Variants in GRB10 observed in about 807,000 individuals in gnomAD.
The protein encoded by GRB10 is growth factor receptor bound protein 10.
A neutral mutation model predicts 80.9 loss-of-function variants in GRB10; 20 were observed. The ratio of observed to expected loss-of-function variants is 0.25; its 90% CI spans 0.17 to 0.36. The LOEUF (loss-of-function observed/expected upper bound fraction) is 0.36. Among genes scored for constraint, GRB10 ranks in the 10% least tolerant of loss-of-function variants. The pLI, the probability that GRB10 is intolerant of heterozygous loss-of-function variation, is 1.00. For missense variants in GRB10, 548 were observed against 747.7 expected, an observed-to-expected ratio of 0.73 and a Z score of 3.12; for synonymous variants, 291 against 291.5, an observed-to-expected ratio of 1.00 and a Z score of 0.02.
intron 2 of GRB10, among the ~76,000 whole-genome samples, chr7:50,776,985 C>T (rs1047106300): frequency 6.6e-6 from 1 of 152,178 alleles, no homozygotes; most frequent in African/African-American, 2.4e-5. Flanking sequence ...TACCCATTAC[C>T]CAATTCCACT....
chr7:50,669,179 G>T (rs751733985), intron 7 of GRB10, among the ~76,000 whole-genome samples: 6 of 152,162 alleles, frequency 3.9e-5, no homozygotes, highest in Admixed American at 6.5e-5. Context: ...TTTTTTATGA[G>T]ACTTTTTCTA....
At chr7:50,754,044 G>A (rs529190775) in intron 3 of GRB10, among the ~76,000 whole-genome samples, 26 of 152,316 alleles carry the variant, frequency 1.7e-4, no homozygotes, top group Admixed American at 1.3e-4. Context: ...GAAGGATCTT[G>A]GGCAATGCAA....
At chr7:50,767,675 C>G (rs2076504727) in intron 2 of GRB10, among the ~76,000 whole-genome samples, 1 of 152,198 alleles carries the variant, frequency 6.6e-6, no homozygotes, top group South Asian at 2.1e-4. Flanking sequence ...GCTCCCAACC[C>G]ATCCTTGGGG....
chr7:50,786,467 G>T (rs189588228), upstream of GRB10, among the ~76,000 whole-genome samples: 181 of 152,236 alleles, frequency 1.2e-3, no homozygotes, highest in Non-Finnish European at 2.2e-3. Context: ...TATCCTACAA[G>T]TGTCCAGACA....
chr7:50,683,627 T>C (rs776461315), intron 5 of GRB10, among the ~76,000 whole-genome samples: 1 of 151,914 alleles, frequency 6.6e-6, no homozygotes, highest in Non-Finnish European at 1.5e-5. Flanking sequence ...ATCCCAGCTA[T>C]TCAAGAGCCT....
chr7:50,732,918 A>G (rs2070116053), intron 3 of GRB10, among the ~76,000 whole-genome samples: 1 of 152,194 alleles, frequency 6.6e-6, no homozygotes, highest in Admixed American at 6.5e-5. Flanking sequence ...CACGGCACCT[A>G]GTACCGAATA....
intron 18 of GRB10, 104 bp downstream of exon 18, chr7:50,595,333 T>G: frequency 1.3e-6 from 1 of 753,536 alleles, no homozygotes; most frequent in Admixed American, 1.8e-5. Flanking sequence ...GCCTTGAAAC[T>G]GTCTGATACT....
intron 3 of GRB10, among the ~76,000 whole-genome samples, chr7:50,746,520 C>T (rs180752749): frequency 6.6e-6 from 1 of 152,236 alleles, no homozygotes; most frequent in Non-Finnish European, 1.5e-5. Context: ...GGTGACACTG[C>T]CAGACCCAGG....
chr7:50,710,583 G>T (rs1279875279), intron 4 of GRB10, among the ~76,000 whole-genome samples: 1 of 152,162 alleles, frequency 6.6e-6, no homozygotes, highest in Non-Finnish European at 1.5e-5. Flanking sequence ...GGATGGAGGG[G>T]CAGCGGGAAA....
chr7:50,693,774 G>C (rs1237327937), intron 5 of GRB10, among the ~76,000 whole-genome samples: 1 of 152,062 alleles, frequency 6.6e-6, no homozygotes, highest in Non-Finnish European at 1.5e-5. Flanking sequence ...AGGTACACAC[G>C]ATGCAGAGGA....
chr7:50,758,703 C>T (rs2075394576), intron 2 of GRB10, among the ~76,000 whole-genome samples: 1 of 152,210 alleles, frequency 6.6e-6, no homozygotes, highest in Admixed American at 6.5e-5. Context: ...AAAAATTAAA[C>T]TCCATATTGT....
Position 50,669,510 on chromosome 7 carries a change from G to C in GRB10, c.504+212C>G, listed in dbSNP as rs536018679. 2.6e-5 allele frequency among the ~76,000 whole-genome samples: 4 copies of C among 152,328 alleles called. No homozygotes were observed. The East Asian group carries it at 5.8e-4, about 22-fold the overall frequency. On this transcript the variant is annotated intron_variant, in intron 7 of 18. Coordinates refer to ENST00000401949, the MANE Select transcript of GRB10 (RefSeq NM_001350814.2). ...ACCAGGCCCTGCCTCCAAAATTGGGGATTACAATTCCACATGGGATTTGGA... is the reference window on the plus strand; with the variant it reads ...ACCAGGCCCTGCCTCCAAAATTGGGCATTACAATTCCACATGGGATTTGGA...
intron 5 of GRB10, among the ~76,000 whole-genome samples, chr7:50,676,357 G>T (rs1166310895): frequency 6.7e-6 from 1 of 149,938 alleles, no homozygotes; most frequent in Admixed American, 6.7e-5. Context: ...GGGGTTGTAA[G>T]GACTAGGTTA....
At chr7:50,673,691 G>T (rs2060597803) in intron 6 of GRB10, among the ~76,000 whole-genome samples, 1 of 151,888 alleles carries the variant, frequency 6.6e-6, no homozygotes, top group Non-Finnish European at 1.5e-5. Context: ...CTGCCCCCAC[G>T]ACCCCTGGCA....
At chr7:50,645,695 C>T in intron 7 of GRB10, 1 of 820,946 alleles carries the variant, frequency 1.2e-6, no homozygotes, top group Non-Finnish European at 1.5e-6. Context: ...GGGGTCTGTC[C>T]ATTTGCTCCC....
At chr7:50,623,512 G>A (rs955395421) in intron 8 of GRB10, among the ~76,000 whole-genome samples, 3 of 152,188 alleles carry the variant, frequency 2.0e-5, no homozygotes, top group South Asian at 4.1e-4. Context: ...CACCCTCAGC[G>A]AGAGGGGCTA....
chr7:50,665,293 G>A (rs140319821), intron 7 of GRB10, among the ~76,000 whole-genome samples: 196 of 152,340 alleles, frequency 1.3e-3, no homozygotes, highest in Middle Eastern at 3.4e-3. Flanking sequence ...TCAGGTAAAC[G>A]CAAGACCAAT....
At chr7:50,762,136 C>T (rs1365777832) in intron 2 of GRB10, 1 of 151,762 alleles carries the variant, frequency 6.6e-6, no homozygotes, top group Non-Finnish European at 1.5e-5. Flanking sequence ...AAATGTAAGA[C>T]CATGCACTGA....
At chr7:50,603,377 T>A (rs185226417) in intron 17 of GRB10, among the ~76,000 whole-genome samples, 2 of 152,346 alleles carry the variant, frequency 1.3e-5, no homozygotes, top group East Asian at 3.9e-4. Context: ...ACGAGAATCT[T>A]GAGAAGTCTC....
Sources: allele counts gnomAD v4.1 joint callset (sites outside exome capture counted in the v4.1 genomes callset), GRCh38; gene constraint gnomAD v4.1.1; transcripts MANE v1.5; gene names NCBI Gene and HGNC (gene_info 2026-07-23, HGNC 2026-07-21).